FRMPD3: variants seen among roughly 807,000 people sequenced by gnomAD.
The protein encoded by FRMPD3 is FERM and PDZ domain containing 3, also known as FERM and PDZ domain-containing protein 3.
A neutral mutation model predicts 97.9 loss-of-function variants in FRMPD3; 42 were observed. The ratio of observed to expected loss-of-function variants is 0.43; its 90% CI spans 0.34 to 0.55. The LOEUF (loss-of-function observed/expected upper bound fraction) is 0.55, where lower values mean the gene tolerates loss of function less well. Ranked by LOEUF, FRMPD3 falls within the 20% of genes least tolerant of loss-of-function variation. FRMPD3 has a pLI of 0.03. For missense variants in FRMPD3, 1,303 were observed against 1,457.7 expected (o/e 0.89, Z 1.73); for synonymous variants, 577 against 581.1 (o/e 0.99, Z 0.10).
At chrX:107,548,268 C>T (rs187673690) in intron 5 of FRMPD3, among the ~76,000 whole-genome samples, 3 of 112,641 alleles carry the variant, frequency 2.7e-5, no homozygotes, top group African/African-American at 9.7e-5. Flanking sequence ...TGTGCCAAGT[C>T]ACTACAACAA....
At position 107,552,852 on chromosome X, in the gene FRMPD3, C is replaced by G. The variant is rs750063312; in HGVS notation, c.568C>G (p.Leu190Val). 2 of 1,210,257 alleles carry G rather than the reference C, an allele frequency of 1.7e-6. No homozygotes were observed. The highest frequency in any genetic ancestry group is 2.2e-6 in the Non-Finnish European group (2 of 895,012). The change falls in exon 7 of 15, where the codon CTT (leucine) becomes GTT (valine). Residue 190 changes from leucine (L) to valine (V), a missense_variant. Leu to Val is a conservative substitution (Grantham distance 32, BLOSUM62 1). Transcript: ENST00000683843. ...CCTGAGGTTCATTGAGCACTTTGCT[C>G]TTGTCCTTGAGTATGCCGGGCCAGA... ...LSLRFIEHFA[L>V]VLEYAGPEQN...
chrX:107,540,891 T>G (rs888161089), intron 4 of FRMPD3, among the ~76,000 whole-genome samples: 1 of 112,632 alleles, frequency 8.9e-6, no homozygotes, highest in Non-Finnish European at 1.9e-5. Context: ...CAGTGATTCT[T>G]ATCATCAGGC....
chrX:107,571,427 T>G, intron 12 of FRMPD3, among the ~76,000 whole-genome samples: 1 of 112,333 alleles, frequency 8.9e-6, no homozygotes, highest in East Asian at 2.8e-4. Flanking sequence ...GTGTTCCTTT[T>G]ACTGCGAGCT....
intron 1 of FRMPD3, among the ~76,000 whole-genome samples, chrX:107,456,693 A>G (rs1659395265): frequency 8.9e-6 from 1 of 112,034 alleles, no homozygotes; most frequent in Non-Finnish European, 1.9e-5. Context: ...CACACGTGAC[A>G]TTTGGTTGTT....
rs747380001 is a variant in FRMPD3, at chrX:107,536,467, A to G, written c.297+2917A>G. On this transcript the variant is annotated intron_variant, in intron 4 of 14. Coordinates refer to ENST00000683843, the MANE Select transcript of FRMPD3 (RefSeq NM_001388459.1). ...TCTTAGCAAAATGTCCTCGAGATTCATCCAACTTGTTGCATGTATCAATAT... is the reference window on the plus strand; with the variant it reads ...TCTTAGCAAAATGTCCTCGAGATTCGTCCAACTTGTTGCATGTATCAATAT... 2.7e-5 allele frequency among the ~76,000 whole-genome samples: 3 copies of G among 112,023 alleles called. No individual in the cohort carries two copies. The East Asian group carries it at 8.3e-4, about 31-fold the overall frequency.
At chrX:107,487,090 C>CAA (rs372795639) in intron 1 of FRMPD3, among the ~76,000 whole-genome samples, 1 of 67,633 alleles carries the variant, frequency 1.5e-5, no homozygotes, top group Non-Finnish European at 3.0e-5. Context: ...ACTAAAAATA[C>CAA]AAAAAAAAAA....
In FRMPD3 at chrX:107,597,325, C is replaced by T. The variant is rs747437605; in HGVS notation, c.1446C>T (p.Tyr482=). 33 of 1,196,124 alleles carry T rather than the reference C, an allele frequency of 2.8e-5. No homozygotes were observed. In the South Asian group the frequency reaches 6.0e-4, roughly 22 times the overall value. ...TGATTCTCTTTCTGGGTTTAGATTA[C>T]ATGCACAGCGCCCACCGCCCTGTCA... ...PLPPPMIKAD[Y]MHSAHRPVTG... Residue 482 remains tyrosine (Y), a synonymous_variant, in exon 14 of 15, where the codon TAC becomes TAT. Transcript: ENST00000683843.
intron 13 of FRMPD3, among the ~76,000 whole-genome samples, chrX:107,579,767 G>A (rs1315783170): frequency 9.0e-6 from 1 of 110,872 alleles, no homozygotes; most frequent in Non-Finnish European, 1.9e-5. Context: ...TGTATCCTGG[G>A]GTAATCCAGG....
chrX:107,487,611 T>C (rs5917053), intron 1 of FRMPD3, among the ~76,000 whole-genome samples: 50,978 of 110,125 alleles, frequency 0.46, 11,232 homozygotes, highest in African/African-American at 0.84. Context: ...TATGGTTCTC[T>C]GAAAAGAAAG....
chrX:107,503,286 C>T (rs1921957567), intron 1 of FRMPD3, among the ~76,000 whole-genome samples: 1 of 112,354 alleles, frequency 8.9e-6, no homozygotes, highest in Non-Finnish European at 1.9e-5. Context: ...AATCAGGGCC[C>T]ACTCTTGGAG....
In FRMPD3 at chrX:107,602,875, C is replaced by T. The variant is rs752926442; in HGVS notation, c.4836C>T (p.Pro1612=). 1.1e-4 allele frequency: 131 copies of T among 1,209,663 alleles called. No individual in the cohort carries two copies. The highest frequency in any genetic ancestry group is 3.6e-4 in the African/African-American group (21 of 57,606). Residue 1612 remains proline, a synonymous_variant, in exon 15 of 15, where the codon CCC becomes CCT. Coordinates refer to ENST00000683843, the MANE Select transcript of FRMPD3 (RefSeq NM_001388459.1). Reference sequence around the variant, plus strand: ...TCCTGCGGCAGTGTGTGGCCAGCCCCGAGGCCCGTGCCCCCAAGCCCTATG... The same window carrying T: ...TCCTGCGGCAGTGTGTGGCCAGCCCTGAGGCCCGTGCCCCCAAGCCCTATG... The part of the protein sequence containing the change: ...LTVLRQCVAS[P]EARAPKPYVS...
intron 1 of FRMPD3, among the ~76,000 whole-genome samples, chrX:107,499,772 A>G (rs745866051): frequency 3.6e-5 from 4 of 112,250 alleles, no homozygotes; most frequent in Admixed American, 9.4e-5. Context: ...TGTTTTACAG[A>G]TGAGGACCAG....
chrX:107,468,995 A>G (rs916535008), intron 1 of FRMPD3, among the ~76,000 whole-genome samples: 1 of 112,494 alleles, frequency 8.9e-6, no homozygotes, highest in African/African-American at 3.2e-5. Flanking sequence ...AAAATCAGGA[A>G]GATGATATAT....
rs1399458462 is a variant in FRMPD3, at chrX:107,557,695, T to TG, written c.763-2562_763-2561insG. Among the ~76,000 whole-genome samples, 668 of 87,610 alleles carry TG rather than the reference T, an allele frequency of 7.6e-3. 3 individuals carry two copies. Among genetic ancestry groups the TG allele is most frequent in the African/African-American group, 0.027 (537 of 19,791 alleles). 76.1% of individuals were successfully genotyped at this position (87,610 alleles called of 115,157 possible). ...TGTGTGTGTGTGTGTGTGTGTGTGT[T>TG]TTTTTTTGCATATGGATATCCAATT... On this transcript the variant is annotated intron_variant, in intron 8 of 14. Coordinates refer to ENST00000683843, the MANE Select transcript of FRMPD3 (RefSeq NM_001388459.1).
At chrX:107,524,761 G>A (rs758761964) in intron 1 of FRMPD3, among the ~76,000 whole-genome samples, 3 of 111,128 alleles carry the variant, frequency 2.7e-5, no homozygotes, top group Middle Eastern at 4.3e-3. Flanking sequence ...GGGAGGCCGA[G>A]GCGGGTGGAT....
intron 4 of FRMPD3, among the ~76,000 whole-genome samples, chrX:107,535,871 T>C (rs1014424749): frequency 9.1e-6 from 1 of 110,156 alleles, no homozygotes; most frequent in Non-Finnish European, 1.9e-5. Context: ...TCAAAGTATC[T>C]TATGTGCCCT....
At chrX:107,462,846 A>G (rs1204050304) in intron 1 of FRMPD3, among the ~76,000 whole-genome samples, 5 of 111,618 alleles carry the variant, frequency 4.5e-5, no homozygotes, top group Non-Finnish European at 1.9e-5. Flanking sequence ...GTTTCTCACT[A>G]AAGTATTTCT....
intron 13 of FRMPD3, among the ~76,000 whole-genome samples, chrX:107,590,337 C>T (rs1214457678): frequency 2.0e-5 from 2 of 100,614 alleles, no homozygotes. Context: ...CTGGACAGAC[C>T]CCAGACTAAA....
intron 1 of FRMPD3, among the ~76,000 whole-genome samples, chrX:107,506,523 G>A (rs1569413226): frequency 8.9e-6 from 1 of 112,804 alleles, no homozygotes; most frequent in Non-Finnish European, 1.9e-5. Context: ...TCCGTACAAT[G>A]GAGAGGATGC....
Sources: gnomAD v4.1 joint callset for allele counts (sites outside exome capture counted in the v4.1 genomes callset) on GRCh38, gnomAD v4.1.1 for gene constraint, MANE v1.5 for transcripts, NCBI Gene and HGNC (gene_info 2026-07-23, HGNC 2026-07-21) for gene names.